LRRC3B: variants seen among roughly 807,000 people sequenced by gnomAD.
LRRC3B encodes the protein leucine-rich repeat-containing protein 3B.
LRRC3B carries 2 observed loss-of-function variants against 12.8 expected under a neutral mutation model. The observed-to-expected ratio is 0.16, with a 90% CI of 0.06 to 0.49. The LOEUF is 0.49. Among genes scored for constraint, LRRC3B ranks in the 20% least tolerant of loss-of-function variants. The pLI is 0.96. For missense variants in LRRC3B, 189 were observed against 319.4 expected (o/e 0.59, Z 3.11); for synonymous variants, 132 against 122.0 (o/e 1.08, Z -0.54).
intron 1 of LRRC3B, among the ~76,000 whole-genome samples, chr3:26,664,962 C>A (rs905898999): frequency 6.6e-6 from 1 of 151,058 alleles, no homozygotes; most frequent in Non-Finnish European, 1.5e-5. Flanking sequence ...GGATAGGGTA[C>A]AAGAATTTAC....
At position 26,634,983 on chromosome 3, in the gene LRRC3B, G is replaced by A. The variant is rs79935033; in HGVS notation, c.-161+11746G>A. On this transcript the variant is annotated intron_variant, in intron 1 of 1. Coordinates refer to ENST00000396641, the Ensembl canonical transcript of LRRC3B. ...ATTTGTTTTGTTGTATTGCCTGATC[G>A]AACATGATCATGAGAAGCTTCAAAG... 5.3e-5 allele frequency among the ~76,000 whole-genome samples: 8 copies of A among 152,268 alleles called. No individual in the cohort carries two copies. The East Asian group carries it at 9.6e-4, about 18-fold the overall frequency.
intron 1 of LRRC3B, among the ~76,000 whole-genome samples, chr3:26,644,033 T>C (rs899689928): frequency 6.6e-6 from 1 of 152,200 alleles, no homozygotes; most frequent in African/African-American, 2.4e-5. Flanking sequence ...TTTAGATGTG[T>C]ACGAATTATT....
At chr3:26,662,817 C>G (rs1328470256) in intron 1 of LRRC3B, among the ~76,000 whole-genome samples, 2 of 151,938 alleles carry the variant, frequency 1.3e-5, no homozygotes, top group Non-Finnish European at 2.9e-5. Context: ...GATGATAAGG[C>G]CAATAGACAT....
intron 1 of LRRC3B, among the ~76,000 whole-genome samples, chr3:26,636,978 CTCTCTCTT>C (rs200480105): frequency 0.024 from 2,076 of 87,932 alleles, 214 homozygotes; most frequent in East Asian, 0.11. Context: ...TTCTTTCTCT[CTCTCTCTT>C]TCTCTCTTTC....
At chr3:26,657,326 C>G (rs1349658148) in intron 1 of LRRC3B, among the ~76,000 whole-genome samples, 2 of 152,196 alleles carry the variant, frequency 1.3e-5, no homozygotes, top group African/African-American at 4.8e-5. Context: ...GTTTGAAATT[C>G]TTAGCATTCC....
intron 1 of LRRC3B, among the ~76,000 whole-genome samples, chr3:26,664,489 A>T (rs191035253): frequency 2.8e-3 from 432 of 152,228 alleles, no homozygotes; most frequent in Non-Finnish European, 4.4e-3. Context: ...GTGATGCCAG[A>T]TCACCAGACT....
At chr3:26,647,040 C>T (rs1699166652) in intron 1 of LRRC3B, among the ~76,000 whole-genome samples, 1 of 152,160 alleles carries the variant, frequency 6.6e-6, no homozygotes, top group African/African-American at 2.4e-5. Flanking sequence ...TCAGCTACAG[C>T]CATACTGGCC....
At chr3:26,636,807 T>C (rs1698882831) in intron 1 of LRRC3B, among the ~76,000 whole-genome samples, 1 of 48,626 alleles carries the variant, frequency 2.1e-5, no homozygotes, top group Admixed American at 1.6e-4. Context: ...AGTCTTTCTT[T>C]CCCTCCCTCC....
intron 1 of LRRC3B, chr3:26,694,678 G>C (rs1700265524): frequency 6.6e-6 from 1 of 152,188 alleles, no homozygotes; most frequent in Admixed American, 6.6e-5. Context: ...AATGAAAGTT[G>C]AACTTGATTT....
intron 1 of LRRC3B, among the ~76,000 whole-genome samples, chr3:26,679,239 A>C (rs1699922269): frequency 6.6e-6 from 1 of 152,216 alleles, no homozygotes; most frequent in African/African-American, 2.4e-5. Flanking sequence ...CAACAGCCAG[A>C]GTGATCTTTT....
chr3:26,668,603 A>G (rs1699656797), intron 1 of LRRC3B, among the ~76,000 whole-genome samples: 1 of 152,240 alleles, frequency 6.6e-6, no homozygotes, highest in Non-Finnish European at 1.5e-5. Context: ...AAGTTTACAA[A>G]GGACTGCTAA....
chr3:26,698,517 CTT>C (rs1252669710), intron 1 of LRRC3B, among the ~76,000 whole-genome samples: 5 of 152,042 alleles, frequency 3.3e-5, no homozygotes, highest in Admixed American at 1.3e-4. Context: ...ATTCCTAAGA[CTT>C]TTTTGCATCA....
intron 1 of LRRC3B, among the ~76,000 whole-genome samples, chr3:26,654,909 C>T (rs1250302487): frequency 1.3e-5 from 2 of 152,188 alleles, no homozygotes; most frequent in Non-Finnish European, 2.9e-5. Context: ...TTTAAAATGG[C>T]ATTTCCTAAC....
chr3:26,663,368 T>C (rs1699535116), intron 1 of LRRC3B, among the ~76,000 whole-genome samples: 1 of 152,192 alleles, frequency 6.6e-6, no homozygotes, highest in Non-Finnish European at 1.5e-5. Context: ...TTTGCTCTTC[T>C]AGTAAACTTT....
chr3:26,687,038 C>T (rs936204237), intron 1 of LRRC3B, among the ~76,000 whole-genome samples: 1 of 152,146 alleles, frequency 6.6e-6, no homozygotes, highest in African/African-American at 2.4e-5. Context: ...GAAGCTGGGG[C>T]AAACCCTTTG....
intron 1 of LRRC3B, among the ~76,000 whole-genome samples, chr3:26,685,016 C>T (rs974273728): frequency 2.0e-5 from 3 of 152,016 alleles, no homozygotes; most frequent in Non-Finnish European, 2.9e-5. Flanking sequence ...TGCAGTGGTG[C>T]GATCTCAGCT....
chr3:26,670,692 T>C (rs576609012), intron 1 of LRRC3B, among the ~76,000 whole-genome samples: 94 of 152,344 alleles, frequency 6.2e-4, no homozygotes, highest in Non-Finnish European at 1.1e-3. Context: ...ACTAGTTAAC[T>C]GTGTGACCTT....
chr3:26,646,632 A>AC (rs1281885644), intron 1 of LRRC3B, among the ~76,000 whole-genome samples: 61 of 127,892 alleles, frequency 4.8e-4, no homozygotes, highest in Non-Finnish European at 9.1e-4. Context: ...AAAAAAAAAA[A>AC]AAAACGGATT....
chr3:26,652,560 T>C (rs1441640819), intron 1 of LRRC3B, among the ~76,000 whole-genome samples: 1 of 152,168 alleles, frequency 6.6e-6, no homozygotes, highest in East Asian at 1.9e-4. Flanking sequence ...TGTGTAGGAA[T>C]CCTTTAGTCT....
Sources: gnomAD v4.1 joint callset for allele counts (sites outside exome capture counted in the v4.1 genomes callset) on GRCh38, gnomAD v4.1.1 for gene constraint, MANE v1.5 for transcripts, NCBI Gene and HGNC (gene_info 2026-07-23, HGNC 2026-07-21) for gene names.